The following FBN2 variants were observed in gnomAD, a reference collection of about 807,000 sequenced individuals.
FBN2 encodes the protein fibrillin 2.
Under a neutral mutation model 355.6 loss-of-function variants are expected in FBN2, and 105 were observed. The observed-to-expected ratio is 0.30, with a 90% CI of 0.25 to 0.35. The LOEUF is 0.35. FBN2 is among the 10% of genes least tolerant of loss of function. FBN2 has a pLI of 1.00. For synonymous variants in FBN2, 1,350 were observed against 1,301.2 expected (o/e 1.04, Z -0.81); for missense variants, 3,280 against 3,758.7 (o/e 0.87, Z 3.33).
At position 128,345,446 on chromosome 5, in the gene FBN2, G is replaced by C; in HGVS notation, c.3128C>G (p.Pro1043Arg). ...WGTECEECPK[P>R]GTKEYETLCP... ...CAGCGTCTCGTATTCCTTGGTGCCA[G>C]GTTTGGGGCACTCCTCACACTCGGT... The change falls in exon 24 of 65, where the codon CCT (proline) becomes CGT (arginine). Residue 1043 changes from proline (P) to arginine (R), a missense_variant. Transcript: ENST00000262464. 1.2e-6 allele frequency: 2 copies of C among 1,614,130 alleles called. No individual in the cohort carries two copies. The highest frequency in any genetic ancestry group is 1.7e-6 in the Non-Finnish European group (2 of 1,180,016).
At chr5:128,452,366 T>C (rs1269376143) in intron 6 of FBN2, among the ~76,000 whole-genome samples, 1 of 152,238 alleles carries the variant, frequency 6.6e-6, no homozygotes, top group Non-Finnish European at 1.5e-5. Context: ...TTGAAATTTA[T>C]ACCTTATGCA....
chr5:128,320,221 AT>A (rs200693280), intron 34 of FBN2, among the ~76,000 whole-genome samples: 277 of 143,634 alleles, frequency 1.9e-3, no homozygotes, highest in Admixed American at 4.0e-3. Flanking sequence ...CTGACTATGC[AT>A]TTTTTTTTTT....
At chr5:128,308,713 A>AT (rs1462789327) in intron 41 of FBN2, among the ~76,000 whole-genome samples, 1 of 152,134 alleles carries the variant, frequency 6.6e-6, no homozygotes, top group Admixed American at 6.5e-5. Context: ...GACAAGCTCT[A>AT]TTTTTTGCCT....
intron 7 of FBN2, among the ~76,000 whole-genome samples, chr5:128,411,048 C>T (rs892960065): frequency 3.9e-5 from 6 of 152,178 alleles, no homozygotes; most frequent in African/African-American, 1.4e-4. Flanking sequence ...AGAGTTCCCT[C>T]GAGCCCCTCA....
intron 5 of FBN2, among the ~76,000 whole-genome samples, chr5:128,491,632 T>C (rs957685953): frequency 6.6e-6 from 1 of 152,240 alleles, no homozygotes; most frequent in Non-Finnish European, 1.5e-5. Context: ...GAATTAACTT[T>C]ATTTCTTCCA....
intron 48 of FBN2, among the ~76,000 whole-genome samples, chr5:128,292,436 C>T (rs144134367): frequency 6.6e-6 from 1 of 152,256 alleles, no homozygotes; most frequent in East Asian, 1.9e-4. Context: ...AGAACGTAAG[C>T]TCCATGAGGA....
intron 20 of FBN2, among the ~76,000 whole-genome samples, chr5:128,353,787 A>G (rs1242890017): frequency 6.6e-6 from 1 of 152,142 alleles, no homozygotes; most frequent in Non-Finnish European, 1.5e-5. Flanking sequence ...CAACCAATTT[A>G]CCCAAGGTCA....
intron 20 of FBN2, among the ~76,000 whole-genome samples, chr5:128,351,253 T>C (rs889813266): frequency 6.7e-6 from 1 of 148,390 alleles, no homozygotes; most frequent in African/African-American, 2.5e-5. Flanking sequence ...ACTTTAAAAG[T>C]TTTAATAGTG....
intron 7 of FBN2, among the ~76,000 whole-genome samples, chr5:128,412,812 T>A (rs1034030647): frequency 6.6e-6 from 1 of 152,226 alleles, no homozygotes; most frequent in East Asian, 1.9e-4. Flanking sequence ...TATCAATATT[T>A]TAGAAAGATA....
chr5:128,419,019 C>A (rs143093730), intron 7 of FBN2, among the ~76,000 whole-genome samples: 1 of 152,160 alleles, frequency 6.6e-6, no homozygotes, highest in Non-Finnish European at 1.5e-5. Context: ...CTTAATTTAA[C>A]AAGGCTTTAC....
intron 36 of FBN2, among the ~76,000 whole-genome samples, chr5:128,316,165 G>A (rs116481100): frequency 6.6e-6 from 1 of 152,094 alleles, no homozygotes; most frequent in South Asian, 2.1e-4. Flanking sequence ...GCAATCCTTA[G>A]GACAATATAA....
intron 4 of FBN2, among the ~76,000 whole-genome samples, chr5:128,527,328 A>C (rs1756588499): frequency 1.3e-5 from 2 of 152,150 alleles, no homozygotes. Context: ...TTGCTGGGTT[A>C]CAGCTCCCTG....
rs191081738 is a variant in FBN2 at position 128,314,155 on chromosome 5, A to G, written c.4718-1360T>C. On this transcript the variant is annotated intron_variant, in intron 36 of 64. Transcript: ENST00000262464. ...AATCTAGAGTTCTTAGCAGTCTACA[A>G]AGTAATTTTCATCCCTGGCTGCATA... Among the ~76,000 whole-genome samples the G allele has an allele frequency of 2.6e-5, 4 of 152,228 alleles. No individual in the cohort carries two copies. In the East Asian group the frequency reaches 7.7e-4, roughly 29 times the overall value.
At chr5:128,531,284 A>C (rs185477172) in intron 2 of FBN2, among the ~76,000 whole-genome samples, 4 of 152,290 alleles carry the variant, frequency 2.6e-5, no homozygotes, top group Admixed American at 2.6e-4. Flanking sequence ...CTGGAGACTT[A>C]TTATTCTAAG....
At chr5:128,311,569 T>A (rs1750058135) in intron 38 of FBN2, 144 bp from the exon 39 acceptor site, 1 of 849,804 alleles carries the variant, frequency 1.2e-6, no homozygotes, top group African/African-American at 1.7e-5. Flanking sequence ...AAGTTTATTC[T>A]GCTCAAATAT....
At chr5:128,507,648 A>T (rs1756000591) in intron 5 of FBN2, among the ~76,000 whole-genome samples, 1 of 152,008 alleles carries the variant, frequency 6.6e-6, no homozygotes, top group Admixed American at 6.6e-5. Context: ...GAAATTATTT[A>T]CCTTATTTTT....
intron 42 of FBN2, 25 bp from the exon 43 acceptor site, chr5:128,305,973 A>G: frequency 6.2e-7 from 1 of 1,608,242 alleles, no homozygotes; most frequent in Non-Finnish European, 8.5e-7. Flanking sequence ...ATTTGGTCAA[A>G]TATATGTTGT....
chr5:128,285,317 T>C (rs1305714392), intron 55 of FBN2, among the ~76,000 whole-genome samples: 1 of 152,220 alleles, frequency 6.6e-6, no homozygotes, highest in African/African-American at 2.4e-5. Context: ...TTTACTGTTT[T>C]TAAACTGGAA....
At chr5:128,496,581 C>T (rs1446375062) in intron 5 of FBN2, among the ~76,000 whole-genome samples, 5 of 152,026 alleles carry the variant, frequency 3.3e-5, no homozygotes, top group African/African-American at 4.8e-5. Context: ...TTACGTTCCG[C>T]GTAAGATCAG....
Sources: allele counts gnomAD v4.1 joint callset (sites outside exome capture counted in the v4.1 genomes callset), GRCh38; gene constraint gnomAD v4.1.1; transcripts MANE v1.5; gene names NCBI Gene and HGNC (gene_info 2026-07-23, HGNC 2026-07-21).